B3GALT1: variants seen among roughly 807,000 people sequenced by gnomAD.
B3GALT1 encodes the protein UDP-Gal:betaGlcNAc beta 1,3-galactosyltransferase, polypeptide 1.
A neutral mutation model predicts 23.2 loss-of-function variants in B3GALT1; 10 were observed. That is an observed-to-expected ratio of 0.43 (90% confidence interval 0.27 to 0.73). B3GALT1 has a LOEUF of 0.73. Ranked by LOEUF, B3GALT1 falls within the 30% of genes least tolerant of loss-of-function variation. B3GALT1 has a pLI of 0.21. For synonymous variants in B3GALT1, 156 were observed against 141.5 expected, an observed-to-expected ratio of 1.10 and a Z score of -0.73; for missense variants, 299 against 405.4, an observed-to-expected ratio of 0.74 and a Z score of 2.25.
chr2:167,781,227 G>T (rs954209517), intron 3 of B3GALT1, among the ~76,000 whole-genome samples: 1 of 152,108 alleles, frequency 6.6e-6, no homozygotes, highest in African/African-American at 2.4e-5. Flanking sequence ...AATACTCAGA[G>T]TTCTTTAATA....
chr2:167,403,506 A>C (rs1303890111), intron 1 of B3GALT1, among the ~76,000 whole-genome samples: 5 of 152,084 alleles, frequency 3.3e-5, no homozygotes, highest in Non-Finnish European at 5.9e-5. Context: ...CATGTTTAAA[A>C]AAAAAAAGAC....
chr2:167,554,983 T>C (rs1458530241), intron 2 of B3GALT1, among the ~76,000 whole-genome samples: 1 of 152,184 alleles, frequency 6.6e-6, no homozygotes. Flanking sequence ...GGCTCTGTCT[T>C]CTGGGTCTTC....
At chr2:167,509,963 G>A (rs1699981038) in intron 2 of B3GALT1, among the ~76,000 whole-genome samples, 1 of 152,314 alleles carries the variant, frequency 6.6e-6, no homozygotes, top group South Asian at 2.1e-4. Flanking sequence ...AGAGAGAGAT[G>A]AGAATGGTGT....
At chr2:167,858,048 G>A (rs943131378) in intron 4 of B3GALT1, among the ~76,000 whole-genome samples, 8 of 151,998 alleles carry the variant, frequency 5.3e-5, no homozygotes, top group East Asian at 1.9e-4. Context: ...GGCTGTTTTC[G>A]TATACACAGA....
At chr2:167,791,328 T>C (rs1477859008) in intron 3 of B3GALT1, among the ~76,000 whole-genome samples, 2 of 151,936 alleles carry the variant, frequency 1.3e-5, no homozygotes, top group Non-Finnish European at 2.9e-5. Flanking sequence ...TTTATCACAC[T>C]GAAAAAAAAA....
chr2:167,687,423 A>C (rs1340562467), intron 3 of B3GALT1, among the ~76,000 whole-genome samples: 2 of 152,198 alleles, frequency 1.3e-5, no homozygotes, highest in Non-Finnish European at 2.9e-5. Flanking sequence ...ATGTCATTCA[A>C]GTCTATTAGA....
chr2:167,359,219 T>C (rs1476362844), intron 1 of B3GALT1, among the ~76,000 whole-genome samples: 3 of 152,220 alleles, frequency 2.0e-5, no homozygotes, highest in Non-Finnish European at 4.4e-5. Flanking sequence ...AATTTTGTTG[T>C]CATTGCCATT....
intron 3 of B3GALT1, chr2:167,714,497 G>T: frequency 6.2e-7 from 1 of 1,609,202 alleles, no homozygotes; most frequent in Non-Finnish European, 8.5e-7. Flanking sequence ...CTGACCCAAC[G>T]GTGAGGGACC....
At chr2:167,386,898 A>G (rs181377027) in intron 1 of B3GALT1, among the ~76,000 whole-genome samples, 55 of 152,318 alleles carry the variant, frequency 3.6e-4, no homozygotes, top group African/African-American at 1.2e-3. Flanking sequence ...GAAAGAGAAG[A>G]CTGGATGAAG....
intron 2 of B3GALT1, among the ~76,000 whole-genome samples, chr2:167,619,105 G>A (rs974704746): frequency 1.3e-5 from 2 of 151,688 alleles, no homozygotes; most frequent in African/African-American, 4.8e-5. Flanking sequence ...ACATTTATTA[G>A]TTGGCATTCT....
At chr2:167,658,833 A>T (rs1686004920) in intron 3 of B3GALT1, among the ~76,000 whole-genome samples, 1 of 152,104 alleles carries the variant, frequency 6.6e-6, no homozygotes, top group Non-Finnish European at 1.5e-5. Flanking sequence ...GAGGCATTTA[A>T]ATAAAATCTG....
At chr2:167,413,894 A>G (rs1574069594) in intron 1 of B3GALT1, among the ~76,000 whole-genome samples, 3 of 152,196 alleles carry the variant, frequency 2.0e-5, no homozygotes, top group Admixed American at 6.5e-5. Flanking sequence ...TAAAAGGAAT[A>G]CATTCTAATT....
intron 1 of B3GALT1, among the ~76,000 whole-genome samples, chr2:167,378,945 G>A (rs1445177812): frequency 2.6e-5 from 4 of 152,082 alleles, no homozygotes; most frequent in African/African-American, 9.7e-5. Flanking sequence ...GGAGATGCTG[G>A]CACTTCTAAT....
rs185983523 is a variant in B3GALT1, at chr2:167,508,790, G to C, written c.-410+18513G>C. Among the ~76,000 whole-genome samples, 49 of 151,116 alleles carry C rather than the reference G, an allele frequency of 3.2e-4. 3 individuals are homozygous for C. The highest frequency in any genetic ancestry group is 3.2e-3 in the Admixed American group (49 of 15,256). On this transcript the variant is annotated intron_variant, in intron 2 of 4. Transcript: ENST00000392690. ...AAACTTTTCATAAAAAAAAAAGAAA[G>C]GAAAAGTTTGGTAGAATTTAGCAAA... is the stretch of plus-strand genomic sequence containing the variant.
At chr2:167,658,257 A>G (rs564199552) in intron 3 of B3GALT1, among the ~76,000 whole-genome samples, 31 of 152,228 alleles carry the variant, frequency 2.0e-4, no homozygotes, top group African/African-American at 6.0e-4. Flanking sequence ...AATATCAAAT[A>G]GTAAATGCTA....
At chr2:167,603,626 T>C (rs1852904) in intron 2 of B3GALT1, among the ~76,000 whole-genome samples, 2 of 152,112 alleles carry the variant, frequency 1.3e-5, no homozygotes, top group South Asian at 2.1e-4. Flanking sequence ...GCATAATAAC[T>C]AATTGTTAGA....
intron 3 of B3GALT1, among the ~76,000 whole-genome samples, chr2:167,671,663 A>T (rs1194622756): frequency 4.6e-5 from 7 of 152,134 alleles, no homozygotes; most frequent in African/African-American, 1.7e-4. Flanking sequence ...GAAAGTTCAC[A>T]GTGATAAACA....
intron 1 of B3GALT1, among the ~76,000 whole-genome samples, chr2:167,404,447 A>G (rs748328046): frequency 2.0e-5 from 3 of 152,134 alleles, no homozygotes; most frequent in Non-Finnish European, 4.4e-5. Context: ...TGATTGTACT[A>G]AGCTGGAGAA....
intron 2 of B3GALT1, among the ~76,000 whole-genome samples, chr2:167,614,212 C>T (rs1558924935): frequency 6.6e-6 from 1 of 151,238 alleles, no homozygotes; most frequent in Non-Finnish European, 1.5e-5. Flanking sequence ...ATTGACTATG[C>T]TTGTTTATAC....
Sources: gnomAD v4.1 joint callset for allele counts (sites outside exome capture counted in the v4.1 genomes callset) on GRCh38, gnomAD v4.1.1 for gene constraint, MANE v1.5 for transcripts, NCBI Gene and HGNC (gene_info 2026-07-23, HGNC 2026-07-21) for gene names.